UNC13A: variants seen among roughly 807,000 people sequenced by gnomAD.
UNC13A encodes the protein unc-13 homolog A.
In UNC13A, 61 loss-of-function variants were observed where a neutral mutation model predicts 219.7. That is an observed-to-expected ratio of 0.28 (90% confidence interval 0.23 to 0.34). The LOEUF is 0.34. Among genes scored for constraint, UNC13A ranks in the 10% least tolerant of loss-of-function variants. The pLI is 1.00. For missense variants in UNC13A, 1,476 were observed against 2,270.3 expected (o/e 0.65, Z 7.11); for synonymous variants, 920 against 884.6 (o/e 1.04, Z -0.71).
In UNC13A at chr19:17,645,897, G is replaced by C; in HGVS notation, c.2187-54C>G. 2.5e-6 allele frequency: 4 copies of C among 1,591,284 alleles called. No homozygotes were observed. The South Asian group carries it at 4.5e-5, about 18-fold the overall frequency. On this transcript the variant is annotated intron_variant, in intron 18 of 43. Coordinates refer to ENST00000519716, the MANE Select transcript of UNC13A (RefSeq NM_001080421.3). ...GGGTCAGGCAGCCAGTGTGAGTCCT[G>C]TCCTTGGAGCCCTCTTTTGGCTGCC...
rs566529265 is a variant in UNC13A at position 17,651,851 on chromosome 19, G to A, written c.1439+780C>T. On this transcript the variant is annotated intron_variant, in intron 12 of 43. Transcript: ENST00000519716. ...AGGACGTACAAGGAAGGTCACTATC[G>A]TGCTGCTATTTTAAAACCTGAGCAT... Among the ~76,000 whole-genome samples the A allele has an allele frequency of 2.5e-3, 384 of 152,212 alleles. 5 individuals carry two copies. The highest frequency in any genetic ancestry group is 0.012 in the Admixed American group (177 of 15,278).
rs2079388874 is a variant in UNC13A, at chr19:17,653,407, G to A, written c.1393-730C>T. Among the ~76,000 whole-genome samples, 4 of 151,572 alleles carry A rather than the reference G, an allele frequency of 2.6e-5. No homozygotes were observed. In the South Asian group the frequency reaches 8.3e-4, roughly 32 times the overall value. On this transcript the variant is annotated intron_variant, in intron 11 of 43. Transcript: ENST00000519716. ...TTGTTGCCCAGGCTGGAGTGCAGTG[G>A]CGCAATCTCAGCTCACTGCAACCTC...
Position 17,629,338 on chromosome 19 carries a change from G to T in UNC13A, c.3670-15C>A. ...TTACTGATGGTCTGGGGAAGACACA[G>T]AGTGTGGGTGAGAGGAGAGGCTGGC... On this transcript the variant is annotated splice_polypyrimidine_tract_variant and intron_variant, in intron 30 of 43. Transcript: ENST00000519716. 1 of 1,602,482 alleles carries T rather than the reference G, an allele frequency of 6.2e-7. No individual in the cohort carries two copies. Among genetic ancestry groups the T allele is most frequent in the East Asian group, 2.2e-5 (1 of 44,616 alleles).
chr19:17,628,123 C>A (rs760083281), intron 31 of UNC13A, 183 bp from the exon 32 acceptor site: 5 of 604,838 alleles, frequency 8.3e-6, no homozygotes, highest in Non-Finnish European at 1.5e-5. Context: ...GTTGTTGGGG[C>A]GGGCATCTCT....
rs1568492585 is a variant in UNC13A, at chr19:17,604,182, C to A, written c.*1872G>T. On this transcript the variant is annotated 3_prime_UTR_variant, in exon 44 of 44. Transcript: ENST00000519716. Reference sequence around the variant, plus strand: ...GTGTCCCCAAAGCACCTCCACCTCTCCTCACTGGTTTTAGTCTTCACAAAA... The same window carrying A: ...GTGTCCCCAAAGCACCTCCACCTCTACTCACTGGTTTTAGTCTTCACAAAA... 1 of 152,272 alleles carries A rather than the reference C, an allele frequency of 6.6e-6. No homozygotes were observed. The highest frequency in any genetic ancestry group is 1.5e-5 in the Non-Finnish European group (1 of 68,096). The allele number at this position is 152,272 out of a possible 1,614,324, so 9.4% of individuals were successfully genotyped here. A position where few individuals can be genotyped will look rare whatever the true frequency, so the allele number is the denominator to read the frequency against.
Position 17,625,052 on chromosome 19 carries a change from A to G in UNC13A, c.4074-100T>C, listed in dbSNP as rs2076768416. On this transcript the variant is annotated intron_variant, in intron 34 of 43. Coordinates refer to ENST00000519716, the MANE Select transcript of UNC13A (RefSeq NM_001080421.3). ...GCAAGGCATTCCACAGATAGGAAAG[A>G]GGGCCCACAGCCTGTACAGGGACCC... 2.6e-6 allele frequency: 4 copies of G among 1,517,244 alleles called. No homozygotes were observed. The African/African-American group carries it at 5.5e-5, about 21-fold the overall frequency. 94.0% of individuals were successfully genotyped at this position (1,517,244 alleles called of 1,614,324 possible).
chr19:17,650,035 T>A (rs374305740), intron 12 of UNC13A, among the ~76,000 whole-genome samples: 27 of 152,262 alleles, frequency 1.8e-4, no homozygotes, highest in African/African-American at 6.0e-4. Context: ...ACTTCTGGCC[T>A]CCAGAACTGT....
At chr19:17,673,753 A>T (rs2145911964) in intron 3 of UNC13A, among the ~76,000 whole-genome samples, 1 of 151,516 alleles carries the variant, frequency 6.6e-6, no homozygotes, top group African/African-American at 2.4e-5. Context: ...GCTCACATCT[A>T]TAATCCCAGC....
intron 35 of UNC13A, among the ~76,000 whole-genome samples, chr19:17,624,193 C>T (rs945714592): frequency 1.3e-5 from 2 of 149,348 alleles, no homozygotes; most frequent in Admixed American, 1.3e-4. Flanking sequence ...GTGGCGCCAT[C>T]TCAGCTCACT....
chr19:17,677,014 C>A (rs2079911571), intron 1 of UNC13A, among the ~76,000 whole-genome samples: 1 of 152,166 alleles, frequency 6.6e-6, no homozygotes, highest in South Asian at 2.1e-4. Context: ...ATTCTTGTCT[C>A]AACAACAACC....
intron 43 of UNC13A, among the ~76,000 whole-genome samples, chr19:17,607,262 T>C (rs2076541685): frequency 6.6e-6 from 1 of 152,082 alleles, no homozygotes; most frequent in Admixed American, 6.6e-5. Flanking sequence ...TATTTATTTT[T>C]ATTTATTTTT....
intron 7 of UNC13A, among the ~76,000 whole-genome samples, chr19:17,665,086 A>G (rs548542138): frequency 1.3e-5 from 2 of 152,092 alleles, no homozygotes; most frequent in South Asian, 4.2e-4. Flanking sequence ...TGTAATCCCC[A>G]CTGCTCAAGA....
intron 43 of UNC13A, among the ~76,000 whole-genome samples, chr19:17,607,876 CTTTTT>C (rs58683080): frequency 2.0e-4 from 19 of 96,288 alleles, no homozygotes; most frequent in Admixed American, 8.4e-4. Flanking sequence ...CGTGAACAGA[CTTTTT>C]TTTTTTTTTT....
intron 1 of UNC13A, among the ~76,000 whole-genome samples, chr19:17,686,164 C>G (rs1327170430): frequency 6.6e-6 from 1 of 151,836 alleles, no homozygotes; most frequent in East Asian, 1.9e-4. Context: ...GTAAAGTCCA[C>G]AGAATCCAGC....
Position 17,649,273 on chromosome 19 carries a change from G to T in UNC13A, c.1524+66C>A, listed in dbSNP as rs28586597. The T allele has an allele frequency of 7.5e-3, 11,564 of 1,543,066 alleles. 749 individuals carry two copies. In the African/African-American group the frequency reaches 0.14, roughly 18 times the overall value. Reference sequence around the variant, plus strand: ...CCCATAATCCATGAATTGGGGGCCTGTTAGAAGATCCCAGTGGGGGAGTTT... The same window carrying T: ...CCCATAATCCATGAATTGGGGGCCTTTTAGAAGATCCCAGTGGGGGAGTTT... On this transcript the variant is annotated intron_variant, in intron 14 of 43. Transcript: ENST00000519716. The surrounding 1 kb of genome is among the most constrained non-coding windows in gnomAD (Gnocchi z 4.4).
rs1417824005 is a variant in UNC13A at position 17,630,256 on chromosome 19, G to A, written c.3558C>T (p.Ser1186=). 1 of 1,561,282 alleles carries A rather than the reference G, an allele frequency of 6.4e-7. No homozygotes were observed. Among genetic ancestry groups the A allele is most frequent in the Non-Finnish European group, 8.7e-7 (1 of 1,152,454 alleles). Residue 1186 remains serine, a synonymous_variant, in exon 30 of 44, where the codon TCC becomes TCT. Transcript: ENST00000519716. ...GGGAGAAAACATCCACCACGGAGCA[G>A]GAGAATAGGGCATGCTCTGAGGTCT... is the stretch of plus-strand genomic sequence containing the variant. ...FQQTSEHALF[S]CSVVDVFSQL... is the part of the protein sequence containing the mutation.
rs2145060317 is a variant in UNC13A at position 17,646,127 on chromosome 19, G to A, written c.2045-16C>T. The A allele has an allele frequency of 1.2e-6, 2 of 1,612,910 alleles. No homozygotes were observed. Among genetic ancestry groups the A allele is most frequent in the South Asian group, 1.1e-5 (1 of 91,020 alleles). ...GCGCAGACCACTGGAAGACACAGAGGGCATACACAGGTGTGCACTCAAGAA... is the reference window on the plus strand; with the variant it reads ...GCGCAGACCACTGGAAGACACAGAGAGCATACACAGGTGTGCACTCAAGAA... On this transcript the variant is annotated splice_polypyrimidine_tract_variant and intron_variant, in intron 17 of 43. Transcript: ENST00000519716.
chr19:17,635,424 G>A (rs2076903567), intron 26 of UNC13A, among the ~76,000 whole-genome samples: 1 of 152,150 alleles, frequency 6.6e-6, no homozygotes, highest in Admixed American at 6.5e-5. Context: ...GCACTCATCT[G>A]GCAGAGAAAT....
chr19:17,638,593 G>A (rs1027594356), intron 25 of UNC13A, among the ~76,000 whole-genome samples: 5 of 152,154 alleles, frequency 3.3e-5, no homozygotes, highest in Admixed American at 1.3e-4. Flanking sequence ...TTGGGAGGCC[G>A]AGGCAGGTGG....
Sources: gnomAD v4.1 joint callset for allele counts (sites outside exome capture counted in the v4.1 genomes callset) on GRCh38, gnomAD v4.1.1 for gene constraint, Gnocchi (gnomAD v3.1) non-coding constraint, MANE v1.5 for transcripts, NCBI Gene and HGNC (gene_info 2026-07-23, HGNC 2026-07-21) for gene names.